The following ZFAND3 variants were observed in gnomAD, a reference collection of about 807,000 sequenced individuals.
ZFAND3 encodes AN1-type zinc finger protein 3.
Under a neutral mutation model 29.6 loss-of-function variants are expected in ZFAND3, and 10 were observed. The observed-to-expected ratio is 0.34, with a 90% CI of 0.21 to 0.57. The LOEUF (loss-of-function observed/expected upper bound fraction) is 0.57, where lower values mean the gene tolerates loss of function less well. Among genes scored for constraint, ZFAND3 ranks in the 20% least tolerant of loss-of-function variants. The pLI, the probability that ZFAND3 is intolerant of heterozygous loss-of-function variation, is 0.86. For missense variants in ZFAND3, 230 were observed against 304.5 expected, an observed-to-expected ratio of 0.76 and a Z score of 1.82; for synonymous variants, 128 against 112.6, an observed-to-expected ratio of 1.14 and a Z score of -0.87.
At chr6:37,828,023 T>C (rs988849693) in intron 1 of ZFAND3, among the ~76,000 whole-genome samples, 2 of 152,214 alleles carry the variant, frequency 1.3e-5, no homozygotes, top group Non-Finnish European at 2.9e-5. Context: ...TCTTTTCTCA[T>C]TTATTTCTGC....
intron 2 of ZFAND3, among the ~76,000 whole-genome samples, chr6:37,934,635 G>C (rs1302605634): frequency 2.6e-5 from 4 of 150,992 alleles, no homozygotes; most frequent in Non-Finnish European, 5.9e-5. Flanking sequence ...TCAGGAGTTC[G>C]AGACTAGCCT....
At chr6:38,130,958 A>G (rs1765730642) in intron 5 of ZFAND3, among the ~76,000 whole-genome samples, 1 of 151,968 alleles carries the variant, frequency 6.6e-6, no homozygotes, top group South Asian at 2.1e-4. Context: ...TTGTTGATAT[A>G]TTTTTAATTA....
At chr6:38,001,594 T>C (rs1286798872) in intron 2 of ZFAND3, among the ~76,000 whole-genome samples, 1 of 152,246 alleles carries the variant, frequency 6.6e-6, no homozygotes, top group East Asian at 1.9e-4. Flanking sequence ...TACTTTTTAC[T>C]TCATAAAATC....
chr6:37,938,139 G>A (rs1761737311), intron 2 of ZFAND3, among the ~76,000 whole-genome samples: 1 of 152,070 alleles, frequency 6.6e-6, no homozygotes, highest in Non-Finnish European at 1.5e-5. Context: ...TTATGATTCT[G>A]TTTTTAAAAT....
intron 1 of ZFAND3, among the ~76,000 whole-genome samples, chr6:37,892,930 A>G (rs574180993): frequency 6.6e-6 from 1 of 152,316 alleles, no homozygotes; most frequent in African/African-American, 2.4e-5. Context: ...ATAGGCCTGT[A>G]ACAAGTGCAG....
intron 2 of ZFAND3, among the ~76,000 whole-genome samples, chr6:37,948,519 A>C (rs1264000259): frequency 6.6e-6 from 1 of 152,132 alleles, no homozygotes; most frequent in Non-Finnish European, 1.5e-5. Flanking sequence ...TACATGGGTA[A>C]ATTATGTGTC....
chr6:38,088,431 T>C (rs1581906972), intron 4 of ZFAND3: 1 of 151,984 alleles, frequency 6.6e-6, no homozygotes, highest in Admixed American at 6.6e-5. Flanking sequence ...GCGGGGATGG[T>C]TGATGGGTAC....
At chr6:38,040,518 C>G (rs1028015714) in intron 2 of ZFAND3, among the ~76,000 whole-genome samples, 1 of 152,096 alleles carries the variant, frequency 6.6e-6, no homozygotes, top group Non-Finnish European at 1.5e-5. Flanking sequence ...ATGTACGTAT[C>G]TTTTTAAAAC....
At chr6:38,081,729 A>T (rs1764665369) in intron 3 of ZFAND3, among the ~76,000 whole-genome samples, 1 of 151,916 alleles carries the variant, frequency 6.6e-6, no homozygotes. Context: ...TCAAGCCTTC[A>T]CTCACCCAAC....
intron 2 of ZFAND3, among the ~76,000 whole-genome samples, chr6:38,020,034 T>C (rs961720172): frequency 2.0e-5 from 3 of 152,238 alleles, no homozygotes; most frequent in African/African-American, 7.2e-5. Flanking sequence ...AACACTATTT[T>C]GGCCTTCTCA....
intron 2 of ZFAND3, among the ~76,000 whole-genome samples, chr6:37,967,181 C>A (rs980955208): frequency 3.9e-5 from 6 of 152,142 alleles, no homozygotes; most frequent in African/African-American, 1.2e-4. Context: ...GGTAAGTATC[C>A]ATCTTTGTGA....
At chr6:37,933,965 G>A (rs1016399989) in intron 2 of ZFAND3, among the ~76,000 whole-genome samples, 3 of 141,158 alleles carry the variant, frequency 2.1e-5, no homozygotes, top group Non-Finnish European at 4.5e-5. Context: ...TCTGCTTACC[G>A]CAACCTCCGC....
intron 1 of ZFAND3, among the ~76,000 whole-genome samples, chr6:37,904,002 T>C (rs1257213954): frequency 2.0e-5 from 3 of 152,226 alleles, no homozygotes; most frequent in African/African-American, 7.2e-5. Context: ...TTTGCTTTTC[T>C]GGAATGCCAA....
chr6:38,054,385 C>A (rs1398299267), intron 2 of ZFAND3, among the ~76,000 whole-genome samples: 2 of 141,932 alleles, frequency 1.4e-5, no homozygotes, highest in Non-Finnish European at 1.5e-5. Context: ...CAGAGCGAGA[C>A]CCTGTCTCAA....
At chr6:37,956,735 C>A (rs536136578) in intron 2 of ZFAND3, among the ~76,000 whole-genome samples, 1 of 152,090 alleles carries the variant, frequency 6.6e-6, no homozygotes, top group African/African-American at 2.4e-5. Context: ...GCATATATTT[C>A]TAAGGAGGTT....
chr6:37,934,036 C>T (rs550468681), intron 2 of ZFAND3, among the ~76,000 whole-genome samples: 2 of 150,974 alleles, frequency 1.3e-5, no homozygotes, highest in South Asian at 2.1e-4. Flanking sequence ...TACAGGCGTG[C>T]GCCACCACGC....
chr6:37,871,623 T>G (rs939457107), intron 1 of ZFAND3, among the ~76,000 whole-genome samples: 1 of 152,232 alleles, frequency 6.6e-6, no homozygotes, highest in Non-Finnish European at 1.5e-5. Flanking sequence ...TAGGGTTATT[T>G]AAGATACTAA....
intron 1 of ZFAND3, among the ~76,000 whole-genome samples, chr6:37,877,084 G>A (rs948480410): frequency 1.3e-5 from 2 of 152,106 alleles, no homozygotes; most frequent in Non-Finnish European, 2.9e-5. Context: ...TTTTGTATAG[G>A]TCTTTAATTA....
intron 5 of ZFAND3, chr6:38,142,397 C>T (rs1252574185): frequency 2.1e-6 from 1 of 469,222 alleles, no homozygotes; most frequent in African/African-American, 2.0e-5. Context: ...GGCCACAGCT[C>T]CCTGGTGAGC....
Sources: allele counts gnomAD v4.1 joint callset (sites outside exome capture counted in the v4.1 genomes callset), GRCh38; gene constraint gnomAD v4.1.1; transcripts MANE v1.5; gene names NCBI Gene and HGNC (gene_info 2026-07-23, HGNC 2026-07-21).